The following RBFOX3 variants were observed in gnomAD, a reference collection of about 807,000 sequenced individuals.
RBFOX3 encodes RNA binding fox-1 homolog 3.
RBFOX3 carries 17 observed loss-of-function variants against 48.7 expected under a neutral mutation model. The observed-to-expected ratio is 0.35, with a 90% CI of 0.24 to 0.52. The LOEUF (loss-of-function observed/expected upper bound fraction) is 0.52, where lower values mean the gene tolerates loss of function less well. RBFOX3 is among the 20% of genes least tolerant of loss of function. The probability of loss-of-function intolerance (pLI) is 0.94; values close to 1 mark genes in which losing one functional copy is unlikely to be tolerated. For synonymous variants in RBFOX3, 212 were observed against 209.5 expected (o/e 1.01, Z -0.10); for missense variants, 382 against 497.5 (o/e 0.77, Z 2.21).
chr17:79,215,124 G>A lies in RBFOX3; in HGVS notation c.-34+20642C>T, dbSNP rs976358899. ...CACACACCCCAGGCCATCTTCCTGT[G>A]CCATCTGTTTGTCCCATCGGGTTGG... On this transcript the variant is annotated intron_variant, in intron 4 of 14. Transcript: ENST00000693108. 4.6e-5 allele frequency among the ~76,000 whole-genome samples: 7 copies of A among 152,288 alleles called. No individual in the cohort carries two copies. The South Asian group carries it at 1.2e-3, about 27-fold the overall frequency.
At chr17:79,639,952 G>A in the RBFOX3 span, among the ~76,000 whole-genome samples, 82 of 152,246 alleles carry the variant, frequency 5.4e-4, 2 homozygotes, top group Admixed American at 3.7e-3. Flanking sequence ...TCTATTCAAC[G>A]TAGTACAGGA....
chr17:79,259,916 A>G (rs974115052), intron 3 of RBFOX3, among the ~76,000 whole-genome samples: 8 of 152,072 alleles, frequency 5.3e-5, no homozygotes, highest in African/African-American at 1.9e-4. Flanking sequence ...ATGCTCAGAT[A>G]TGTCAACTGT....
intron 4 of RBFOX3, among the ~76,000 whole-genome samples, chr17:79,167,121 TTCTTC>T (rs1241473360): frequency 6.6e-6 from 1 of 152,186 alleles, no homozygotes; most frequent in East Asian, 1.9e-4. Flanking sequence ...TGGGCCGCAG[TTCTTC>T]TCTTCTGTGA....
At chr17:79,278,468 G>A (rs537439483) in intron 3 of RBFOX3, among the ~76,000 whole-genome samples, 23 of 152,328 alleles carry the variant, frequency 1.5e-4, no homozygotes, top group African/African-American at 5.5e-4. Context: ...TGCTGGCCCT[G>A]CCTCTTGGTG....
chr17:79,653,849 C>T, the RBFOX3 span, among the ~76,000 whole-genome samples: 3 of 144,318 alleles, frequency 2.1e-5, no homozygotes, highest in East Asian at 6.0e-4. Context: ...TTGAGGCCAG[C>T]CTAGGCAACA....
intron 3 of RBFOX3, among the ~76,000 whole-genome samples, chr17:79,268,421 G>A (rs963846614): frequency 6.6e-6 from 1 of 152,164 alleles, no homozygotes; most frequent in African/African-American, 2.4e-5. Flanking sequence ...CAGAGGCCAA[G>A]CTCAGCCCCT....
chr17:79,568,416 T>G (rs1020159867), intron 1 of RBFOX3, among the ~76,000 whole-genome samples: 10 of 152,144 alleles, frequency 6.6e-5, no homozygotes, highest in Non-Finnish European at 1.3e-4. Context: ...TTCTTGGATT[T>G]TTAGGTTTGA....
rs78628606 is a variant in RBFOX3 at position 79,435,840 on chromosome 17, C to T, written c.-175+46614G>A. Among the ~76,000 whole-genome samples the T allele has an allele frequency of 7.4e-3, 1,134 of 152,308 alleles. 20 individuals carry two copies. Among genetic ancestry groups the T allele is most frequent in the African/African-American group, 0.026 (1,074 of 41,554 alleles). ...GTCTCCCAGCCACCTTGCACATCCC[C>T]GGCCACCTCCTCCCACACTCCAGCT... is the stretch of plus-strand genomic sequence containing the variant. On this transcript the variant is annotated intron_variant, in intron 2 of 14. Transcript: ENST00000693108.
intron 2 of RBFOX3, among the ~76,000 whole-genome samples, chr17:79,328,660 T>C (rs1403453907): frequency 6.6e-6 from 1 of 152,138 alleles, no homozygotes; most frequent in Non-Finnish European, 1.5e-5. Context: ...GACAAGACCC[T>C]CATGTTCCCA....
intron 1 of RBFOX3, among the ~76,000 whole-genome samples, chr17:79,609,327 A>G (rs1238126366): frequency 6.6e-6 from 1 of 151,982 alleles, no homozygotes; most frequent in Non-Finnish European, 1.5e-5. Flanking sequence ...GTGCATGCCC[A>G]AGGCGTCCCC....
chr17:79,400,504 A>C (rs1222878127), intron 2 of RBFOX3, among the ~76,000 whole-genome samples: 4 of 152,214 alleles, frequency 2.6e-5, no homozygotes, highest in Non-Finnish European at 4.4e-5. Context: ...CTGTTTCCAG[A>C]TAAGGTCACG....
At chr17:79,202,315 C>T (rs981520912) in intron 4 of RBFOX3, among the ~76,000 whole-genome samples, 3 of 152,126 alleles carry the variant, frequency 2.0e-5, no homozygotes, top group African/African-American at 7.2e-5. Flanking sequence ...CTGGGTAACT[C>T]TGGGGCTGTG....
intron 1 of RBFOX3, among the ~76,000 whole-genome samples, chr17:79,563,060 C>G (rs1320195150): frequency 6.6e-6 from 1 of 152,188 alleles, no homozygotes; most frequent in Non-Finnish European, 1.5e-5. Context: ...AGCAGCAGAG[C>G]GGGCGGGGGG....
At chr17:79,164,896 C>A (rs574774278) in intron 4 of RBFOX3, among the ~76,000 whole-genome samples, 25 of 152,210 alleles carry the variant, frequency 1.6e-4, no homozygotes, top group African/African-American at 4.6e-4. Flanking sequence ...TCTCCCTGCA[C>A]CAGAATCACC....
rs1332463055 is a variant in RBFOX3, at chr17:79,361,727, C to T, written c.-174-53903G>A. The stretch of plus-strand genomic sequence containing the variant: ...GGCCAAGGTCATGTGTGTGTGCACA[C>T]GTGTGTGCGCTGTGCAGGGGTACCC... On this transcript the variant is annotated intron_variant, in intron 2 of 14. Coordinates refer to ENST00000693108, the MANE Select transcript of RBFOX3 (RefSeq NM_001350451.2). The surrounding 1 kb of genome is among the most constrained non-coding windows in gnomAD (Gnocchi z 4.5). 2.0e-5 allele frequency among the ~76,000 whole-genome samples: 3 copies of T among 152,202 alleles called. No homozygotes were observed. Among genetic ancestry groups the T allele is most frequent in the East Asian group, 3.9e-4 (2 of 5,188 alleles).
At position 79,212,135 on chromosome 17, in the gene RBFOX3, T is replaced by C. The variant is rs970921449; in HGVS notation, c.-34+23631A>G. Among the ~76,000 whole-genome samples the C allele has an allele frequency of 6.6e-6, 1 of 152,166 alleles. No individual in the cohort carries two copies. The highest frequency in any genetic ancestry group is 2.4e-5 in the African/African-American group (1 of 41,438). On this transcript the variant is annotated intron_variant, in intron 4 of 14. Transcript: ENST00000693108. The surrounding 1 kb of genome is among the most constrained non-coding windows in gnomAD (Gnocchi z 4.7). ...GGGCCCACCTGGGCATCTTCGACCA[T>C]GCCAGGGACAAGACAGCAGAAAAAT...
intron 4 of RBFOX3, among the ~76,000 whole-genome samples, chr17:79,182,926 A>G (rs2052438669): frequency 6.9e-6 from 1 of 145,744 alleles, no homozygotes; most frequent in African/African-American, 2.5e-5. Flanking sequence ...AAGTTCCCCA[A>G]AGTGACCCGG....
At chr17:79,567,271 G>C (rs1242924942) in intron 1 of RBFOX3, among the ~76,000 whole-genome samples, 75,634 of 146,066 alleles carry the variant, frequency 0.52, 20,792 homozygotes, top group South Asian at 0.66. Context: ...GCAACCTCCA[G>C]CTCCCAGGTT....
chr17:79,615,915 C>G (rs2093992048), upstream of RBFOX3, among the ~76,000 whole-genome samples: 1 of 152,190 alleles, frequency 6.6e-6, no homozygotes. Flanking sequence ...ACATTGTCTT[C>G]TCCCAGGCTC....
Sources: gnomAD v4.1 joint callset for allele counts (sites outside exome capture counted in the v4.1 genomes callset) on GRCh38, gnomAD v4.1.1 for gene constraint, Gnocchi (gnomAD v3.1) non-coding constraint, MANE v1.5 for transcripts, NCBI Gene and HGNC (gene_info 2026-07-23, HGNC 2026-07-21) for gene names.